CRACDL: variants seen among roughly 807,000 people sequenced by gnomAD.
CRACDL encodes CRACD-like protein.
CRACDL carries 26 observed loss-of-function variants against 70.6 expected under a neutral mutation model. The observed-to-expected ratio is 0.37, with a 90% confidence interval of 0.27 to 0.51. The LOEUF (loss-of-function observed/expected upper bound fraction) is 0.51, where lower values mean the gene tolerates loss of function less well. CRACDL is among the 20% of genes least tolerant of loss of function. CRACDL has a pLI of 0.94. For synonymous variants in CRACDL, 618 were observed against 615.2 expected, an observed-to-expected ratio of 1.00 and a Z score of -0.07; for missense variants, 1,283 against 1,376.9, an observed-to-expected ratio of 0.93 and a Z score of 1.08.
chr2:98,853,014 A>T (rs996877160), intron 1 of CRACDL, among the ~76,000 whole-genome samples: 1 of 54,178 alleles, frequency 1.8e-5, no homozygotes, highest in Non-Finnish European at 3.4e-5. Context: ...AGGGGAGGGG[A>T]GGGGAAGGGA....
At position 98,827,107 on chromosome 2, in the gene CRACDL, GT is replaced by G; in HGVS notation, c.602del (p.Asn201ThrfsTer40). On this transcript the variant is annotated frameshift_variant, in exon 6 of 10. Coordinates refer to ENST00000397899, the MANE Select transcript of CRACDL (RefSeq NM_207362.3). LOFTEE classifies it high-confidence loss of function. ...TGAAGTCAGCCACTGGTGCCAGGCT[GT>G]TGTCTGAGATCCGGGCAGAGACGGT... is the stretch of plus-strand genomic sequence containing the variant. Reference protein sequence around the residue: ...DSTVSARISDNSLAPVADFSY... With the variant: ...DSTVSARISDXSLAPVADFSY... 1 of 1,614,170 alleles carries G rather than the reference GT, an allele frequency of 6.2e-7. No homozygotes were observed. The highest frequency in any genetic ancestry group is 8.5e-7 in the Non-Finnish European group (1 of 1,180,022).
At chr2:98,839,947 T>C (rs1452073925) in intron 2 of CRACDL, among the ~76,000 whole-genome samples, 1 of 152,216 alleles carries the variant, frequency 6.6e-6, no homozygotes, top group African/African-American at 2.4e-5. Flanking sequence ...TCAATTTTAA[T>C]TGCCTTAAAA....
chr2:98,924,675 C>A (rs1215401403), intron 1 of CRACDL, among the ~76,000 whole-genome samples: 1 of 152,172 alleles, frequency 6.6e-6, no homozygotes, highest in Non-Finnish European at 1.5e-5. Context: ...GGGGCCCCCC[C>A]AGGGCATGGC....
At chr2:98,796,986 T>C (rs979212467) in intron 8 of CRACDL, among the ~76,000 whole-genome samples, 2 of 152,230 alleles carry the variant, frequency 1.3e-5, no homozygotes, top group South Asian at 4.1e-4. Flanking sequence ...GTCGACATCA[T>C]TGCTGTGTGT....
At chr2:98,862,718 A>G (rs1201086277) in intron 1 of CRACDL, among the ~76,000 whole-genome samples, 1 of 152,164 alleles carries the variant, frequency 6.6e-6, no homozygotes, top group East Asian at 1.9e-4. Flanking sequence ...AGATATAACA[A>G]TGGAAATTAT....
At chr2:98,867,693 G>T (rs1245817199) in intron 1 of CRACDL, among the ~76,000 whole-genome samples, 1 of 152,184 alleles carries the variant, frequency 6.6e-6, no homozygotes, top group Non-Finnish European at 1.5e-5. Flanking sequence ...CTTGCAAAGA[G>T]GCCATCTAAC....
chr2:98,883,921 A>C (rs935121943), intron 1 of CRACDL, among the ~76,000 whole-genome samples: 2 of 152,232 alleles, frequency 1.3e-5, no homozygotes, highest in Admixed American at 1.3e-4. Context: ...AATGCAGCAC[A>C]TGGGCACCCA....
chr2:98,802,126 C>T (rs1704106073), intron 7 of CRACDL, among the ~76,000 whole-genome samples: 1 of 152,244 alleles, frequency 6.6e-6, no homozygotes, highest in Non-Finnish European at 1.5e-5. Flanking sequence ...TGCCAGTCTG[C>T]CTGCAAGCCC....
In CRACDL at chr2:98,817,738, T is replaced by C. The variant is rs1259631581; in HGVS notation, c.2416+4119A>G. 2.0e-5 allele frequency among the ~76,000 whole-genome samples: 3 copies of C among 152,208 alleles called. No individual in the cohort carries two copies. The East Asian group carries it at 5.8e-4, about 29-fold the overall frequency. ...AAAGAATGCATGAATGAGTGAGTAC[T>C]GGAGTCTAGAAACAGAGGGTCAGAG... On this transcript the variant is annotated intron_variant, in intron 7 of 9. Transcript: ENST00000397899.
intron 1 of CRACDL, among the ~76,000 whole-genome samples, chr2:98,869,794 C>G (rs1247186100): frequency 6.6e-6 from 1 of 152,192 alleles, no homozygotes; most frequent in Non-Finnish European, 1.5e-5. Context: ...TTTCTTTTTA[C>G]TTTTCCTTAA....
chr2:98,809,248 C>G (rs776557986), intron 7 of CRACDL, among the ~76,000 whole-genome samples: 2 of 151,946 alleles, frequency 1.3e-5, no homozygotes, highest in African/African-American at 2.4e-5. Context: ...CTCTTTGGAG[C>G]CTTACAAGGT....
At chr2:98,848,773 A>T (rs1235082885) in intron 1 of CRACDL, among the ~76,000 whole-genome samples, 1 of 152,162 alleles carries the variant, frequency 6.6e-6, no homozygotes, top group African/African-American at 2.4e-5. Context: ...TTTTTTGTAG[A>T]AACGGGGTTT....
At chr2:98,910,521 AAAAT>A (rs61614119) in intron 1 of CRACDL, among the ~76,000 whole-genome samples, 54,961 of 140,450 alleles carry the variant, frequency 0.39, 11,246 homozygotes, top group South Asian at 0.63. Flanking sequence ...ACTCTGTCTC[AAAAT>A]AAATAAATAA....
chr2:98,920,136 T>A (rs189375465), intron 1 of CRACDL, among the ~76,000 whole-genome samples: 64 of 152,124 alleles, frequency 4.2e-4, no homozygotes, highest in African/African-American at 1.5e-3. Context: ...AATCCATAAG[T>A]TAATTTGGAA....
chr2:98,929,607 G>A (rs1279385467), intron 1 of CRACDL, among the ~76,000 whole-genome samples: 1 of 152,112 alleles, frequency 6.6e-6, no homozygotes, highest in Non-Finnish European at 1.5e-5. Flanking sequence ...ACCCACACCT[G>A]GTCCCAGAAT....
At chr2:98,854,154 C>A (rs1434110773) in intron 1 of CRACDL, among the ~76,000 whole-genome samples, 2 of 151,200 alleles carry the variant, frequency 1.3e-5, no homozygotes, top group Non-Finnish European at 2.9e-5. Context: ...TGGTAGTGGG[C>A]ACCTGTAGTC....
intron 1 of CRACDL, among the ~76,000 whole-genome samples, chr2:98,903,236 G>A (rs758385082): frequency 1.8e-4 from 27 of 152,174 alleles, no homozygotes; most frequent in Non-Finnish European, 3.7e-4. Flanking sequence ...GAAGCCACAA[G>A]GAGCTCCCTT....
In CRACDL at chr2:98,823,672, C is replaced by T. The variant is rs963871618; in HGVS notation, c.736-135G>A. The T allele has an allele frequency of 9.3e-7, 1 of 1,077,556 alleles. No individual in the cohort carries two copies. The highest frequency in any genetic ancestry group is 1.3e-6 in the Non-Finnish European group (1 of 741,514). 66.7% of individuals were successfully genotyped at this position (1,077,556 alleles called of 1,614,324 possible). ...AAGCTGGCACTTAAGTAGGCATGTA[C>T]CCACGGGTGTCTTTTCTCAGTCTGT... is the stretch of plus-strand genomic sequence containing the variant. On this transcript the variant is annotated intron_variant, in intron 6 of 9. Transcript: ENST00000397899. This position sits in a 1 kb window ranked among gnomAD's most constrained non-coding sequence, Gnocchi z 4.0.
chr2:98,822,186 C>A lies in CRACDL; in HGVS notation c.2087G>T (p.Arg696Met). The change falls in exon 7 of 10, where the codon AGG becomes ATG. Residue 696 changes from arginine (R) to methionine (M), a missense_variant. Around this residue, in one of 2 missense-constraint regions of CRACDL, gnomAD observed 921 missense variants for 881.9 expected, o/e 1.04. Coordinates refer to ENST00000397899, the MANE Select transcript of CRACDL (RefSeq NM_207362.3). The surrounding 1 kb of genome is among the most constrained non-coding windows in gnomAD (Gnocchi z 4.9). ...LRSTSLSLKY[R>M]DGASQEVKGV... ...CTTCACCTCCTGAGAGGCGCCATCC[C>A]TGTATTTGAGCGAGAGGGAGGTGGA... 6.2e-7 allele frequency: 1 copy of A among 1,611,504 alleles called. No individual in the cohort carries two copies. Among genetic ancestry groups the A allele is most frequent in the East Asian group, 2.2e-5 (1 of 44,814 alleles).
Sources: gnomAD v4.1 joint callset for allele counts (sites outside exome capture counted in the v4.1 genomes callset) on GRCh38, gnomAD v4.1.1 for gene constraint, gnomAD v4.1.1 regional missense constraint, Gnocchi (gnomAD v3.1) non-coding constraint, MANE v1.5 for transcripts, NCBI Gene and HGNC (gene_info 2026-07-23, HGNC 2026-07-21) for gene names.